The following GCC2 variants were observed in gnomAD, a reference collection of about 807,000 sequenced individuals.
GCC2 encodes GRIP and coiled-coil domain containing 2.
In GCC2, 120 loss-of-function variants were observed where a neutral mutation model predicts 210.6. That is an observed-to-expected ratio of 0.57 (90% CI 0.49 to 0.66). The LOEUF is 0.66. Among genes scored for constraint, GCC2 ranks in the 30% least tolerant of loss-of-function variants. GCC2 has a pLI of 0.00. For missense variants in GCC2, 1,868 were observed against 1,871.9 expected (o/e 1.00, Z 0.04); for synonymous variants, 703 against 652.7 (o/e 1.08, Z -1.17).
intron 4 of GCC2, among the ~76,000 whole-genome samples, chr2:108,467,692 T>C (rs1427975252): frequency 2.0e-5 from 3 of 152,200 alleles, no homozygotes; most frequent in African/African-American, 7.2e-5. Flanking sequence ...TTATTTAGGA[T>C]TTTTGCATTT....
At chr2:108,467,695 T>C (rs774796390) in intron 4 of GCC2, among the ~76,000 whole-genome samples, 7 of 152,228 alleles carry the variant, frequency 4.6e-5, no homozygotes, top group Admixed American at 1.3e-4. Context: ...TTTAGGATTT[T>C]TGCATTTAGA....
chr2:108,505,770 G>C (rs191290643), intron 22 of GCC2, among the ~76,000 whole-genome samples: 2,410 of 152,066 alleles, frequency 0.016, 68 homozygotes, highest in African/African-American at 0.056. Context: ...AACCATTTCT[G>C]ATCTCCTGAC....
Position 108,471,880 on chromosome 2 carries a change from C to G in GCC2, c.2551C>G (p.Gln851Glu), listed in dbSNP as rs775964196. The G allele has an allele frequency of 5.6e-6, 9 of 1,608,952 alleles. No individual in the cohort carries two copies. The East Asian group carries it at 2.0e-4, about 36-fold the overall frequency. Reference protein sequence around the residue: ...VLLRKELEEIQSEKEALQSDL... With the variant: ...VLLRKELEEIESEKEALQSDL... ...CTTAAGGAAAGAGTTAGAAGAAATACAGTCAGAAAAAGAGGCCCTGCAGTC... is the reference window on the plus strand; with the variant it reads ...CTTAAGGAAAGAGTTAGAAGAAATAGAGTCAGAAAAAGAGGCCCTGCAGTC... Residue 851 changes from glutamine to glutamate, a missense_variant, in exon 6 of 23, where the codon CAG (glutamine) becomes GAG (glutamate). Gln to Glu is a conservative substitution (Grantham distance 29). Transcript: ENST00000309863.
intron 13 of GCC2, 41 bp from the exon 14 acceptor site, chr2:108,485,595 A>AT (rs772629506): frequency 1.9e-6 from 2 of 1,051,396 alleles, no homozygotes; most frequent in East Asian, 4.9e-5. Flanking sequence ...ACTGATAAAA[A>AT]TTGTTACATC....
chr2:108,507,703 T>C lies in GCC2; in HGVS notation c.*73T>C. The C allele has an allele frequency of 9.4e-7, 1 of 1,064,002 alleles. No homozygotes were observed. The highest frequency in any genetic ancestry group is 2.1e-5 in the Admixed American group (1 of 48,016). The allele number at this position is 1,064,002 out of a possible 1,614,324, so 65.9% of individuals were successfully genotyped here. ...AAATGGTTCACGTATATTACCACAA[T>C]TCTTTTGTCAAAAAGTGTGTATATA... is the stretch of plus-strand genomic sequence containing the variant. On this transcript the variant is annotated 3_prime_UTR_variant, in exon 23 of 23. Coordinates refer to ENST00000309863, the MANE Select transcript of GCC2 (RefSeq NM_181453.4).
chr2:108,490,856 A>G (rs1415754480), intron 18 of GCC2, among the ~76,000 whole-genome samples: 1 of 152,214 alleles, frequency 6.6e-6, no homozygotes, highest in Non-Finnish European at 1.5e-5. Context: ...TTACATTGCT[A>G]ACACAAATAA....
At chr2:108,472,153 T>A in intron 6 of GCC2, 37 bp downstream of exon 6, 1 of 1,356,306 alleles carries the variant, frequency 7.4e-7, no homozygotes, top group Non-Finnish European at 9.9e-7. Flanking sequence ...TCAAATAAAT[T>A]CTTAGTTCAA....
intron 4 of GCC2, 99 bp from the exon 5 acceptor site, chr2:108,468,881 T>G (rs1681040558): frequency 1.4e-6 from 1 of 735,338 alleles, no homozygotes; most frequent in African/African-American, 1.8e-5. Context: ...AATCTCTTAT[T>G]CTCACTTCAG....
chr2:108,495,442 A>T lies in GCC2; in HGVS notation c.4599A>T (p.Thr1533=). 1 of 1,594,702 alleles carries T rather than the reference A, an allele frequency of 6.3e-7. No individual in the cohort carries two copies. The highest frequency in any genetic ancestry group is 8.5e-7 in the Non-Finnish European group (1 of 1,178,704). The change falls in exon 20 of 23, where the codon ACA becomes ACT. Residue 1533 remains threonine, a synonymous_variant. Coordinates refer to ENST00000309863, the MANE Select transcript of GCC2 (RefSeq NM_181453.4). ...CTGTGTCTTCCGCCAGCACATACACACAGTCTTTAGAGCAGCTGCTTAACT... is the reference window on the plus strand; with the variant it reads ...CTGTGTCTTCCGCCAGCACATACACTCAGTCTTTAGAGCAGCTGCTTAACT... ...TESVSSASTY[T]QSLEQLLNSP...
At chr2:108,504,287 A>G (rs778893158) in intron 22 of GCC2, among the ~76,000 whole-genome samples, 2 of 152,118 alleles carry the variant, frequency 1.3e-5, no homozygotes, top group Non-Finnish European at 2.9e-5. Flanking sequence ...TGTTGGCTGT[A>G]AGTTAATGAG....
At position 108,471,393 on chromosome 2, in the gene GCC2, G is replaced by A. The variant is rs372865093; in HGVS notation, c.2064G>A (p.Lys688=). The change falls in exon 6 of 23, where the codon AAG becomes AAA. Residue 688 remains lysine, a synonymous_variant. Transcript: ENST00000309863. Reference sequence around the variant, plus strand: ...AAGAAGTATTGTCAGCTGAAGTGAAGTCTCTTTATGAGGAAAACAATAAAC... The same window carrying A: ...AAGAAGTATTGTCAGCTGAAGTGAAATCTCTTTATGAGGAAAACAATAAAC... ...EDKEVLSAEV[K]SLYEENNKLS... 1.9e-6 allele frequency: 3 copies of A among 1,606,836 alleles called. No homozygotes were observed. Among genetic ancestry groups the A allele is most frequent in the African/African-American group, 2.7e-5 (2 of 74,290 alleles).
At chr2:108,466,283 C>T (rs749991962) in intron 4 of GCC2, among the ~76,000 whole-genome samples, 9 of 152,024 alleles carry the variant, frequency 5.9e-5, no homozygotes, top group East Asian at 1.9e-4. Flanking sequence ...CCTCATGACC[C>T]GCCCACCTCA....
chr2:108,473,705 C>G lies in GCC2; in HGVS notation c.2860+806C>G, dbSNP rs1271874600. 3.3e-5 allele frequency among the ~76,000 whole-genome samples: 5 copies of G among 152,186 alleles called. No homozygotes were observed. The East Asian group carries it at 9.6e-4, about 29-fold the overall frequency. On this transcript the variant is annotated intron_variant, in intron 7 of 22. Coordinates refer to ENST00000309863, the MANE Select transcript of GCC2 (RefSeq NM_181453.4). ...AGAGTTTAGAATGACTCCCAGTTGT[C>G]TATAATGGGTGATTGGGGCAGATTG...
rs761073703 is a variant in GCC2, at chr2:108,489,986, G to A, written c.4201G>A (p.Val1401Met). Residue 1401 changes from valine (V) to methionine (M), a missense_variant, in exon 18 of 23, where the codon GTG becomes ATG. Around this residue, in one of 3 missense-constraint regions of GCC2, gnomAD observed 1,847 missense variants for 1,765.2 expected, o/e 1.05. Coordinates refer to ENST00000309863, the MANE Select transcript of GCC2 (RefSeq NM_181453.4). ...ERHNKMLQET[V>M]SKEAELREKL... ...GCACAACAAGATGCTGCAGGAAACT[G>A]TGTCCAAAGAGGCGGAACTCCGGGA... is the stretch of plus-strand genomic sequence containing the variant. 1.9e-6 allele frequency: 3 copies of A among 1,606,800 alleles called. No homozygotes were observed. Among genetic ancestry groups the A allele is most frequent in the Non-Finnish European group, 2.5e-6 (3 of 1,177,268 alleles).
intron 4 of GCC2, among the ~76,000 whole-genome samples, chr2:108,453,727 A>G (rs1434738220): frequency 6.6e-6 from 1 of 151,854 alleles, no homozygotes; most frequent in African/African-American, 2.4e-5. Context: ...AGAAGTTGCA[A>G]TGAGTTGAGA....
At chr2:108,494,757 T>C (rs1161352962) in intron 19 of GCC2, 1 of 152,526 alleles carries the variant, frequency 6.6e-6, no homozygotes, top group Non-Finnish European at 1.5e-5. Flanking sequence ...TAGCAATTAA[T>C]TTATAGCTTC....
chr2:108,497,110 G>T lies in GCC2; in HGVS notation c.4782+1G>T. The T allele has an allele frequency of 6.2e-7, 1 of 1,611,914 alleles. No individual in the cohort carries two copies. Among genetic ancestry groups the T allele is most frequent in the Non-Finnish European group, 8.5e-7 (1 of 1,179,842 alleles). ...TGCAATTCTTATGGAGCAAATTAAG[G>T]TGAGATCAGAAAACCTGGCCGCCGT... On this transcript the variant is annotated splice_donor_variant, in intron 21 of 22. Transcript: ENST00000309863. LOFTEE classifies it high-confidence loss of function.
rs748611623 is a variant in GCC2, at chr2:108,483,149, T to C, written c.3433T>C (p.Leu1145=). 1 of 1,499,758 alleles carries C rather than the reference T, an allele frequency of 6.7e-7. No individual in the cohort carries two copies. Among genetic ancestry groups the C allele is most frequent in the East Asian group, 2.3e-5 (1 of 44,336 alleles). 92.9% of individuals were successfully genotyped at this position (1,499,758 alleles called of 1,614,324 possible). A position where few individuals can be genotyped will look rare whatever the true frequency, so the allele number is the denominator to read the frequency against. The change falls in exon 12 of 23, where the codon TTA becomes CTA. Residue 1145 remains leucine (L), a synonymous_variant. Coordinates refer to ENST00000309863, the MANE Select transcript of GCC2 (RefSeq NM_181453.4). The part of the protein sequence containing the change: ...KKQLQKTMQE[L]ELVKKDAQQT... Reference sequence around the variant, plus strand: ...ACAGCTTCAGAAAACCATGCAAGAATTAGAGCTGGTTAAAAAGGTAAAATA... The same window carrying C: ...ACAGCTTCAGAAAACCATGCAAGAACTAGAGCTGGTTAAAAAGGTAAAATA...
chr2:108,502,403 A>G (rs1462037208), intron 22 of GCC2, among the ~76,000 whole-genome samples: 1 of 152,180 alleles, frequency 6.6e-6, no homozygotes, highest in Admixed American at 6.5e-5. Flanking sequence ...CCAAGAACAG[A>G]TATTTTTAAA....
Sources: gnomAD v4.1 joint callset for allele counts (sites outside exome capture counted in the v4.1 genomes callset) on GRCh38, gnomAD v4.1.1 for gene constraint, gnomAD v4.1.1 regional missense constraint, MANE v1.5 for transcripts, NCBI Gene and HGNC (gene_info 2026-07-23, HGNC 2026-07-21) for gene names.